Variants in TAOK3 observed in about 807,000 individuals in gnomAD.
TAOK3 encodes the protein serine/threonine-protein kinase TAO3.
A neutral mutation model predicts 120.4 loss-of-function variants in TAOK3; 40 were observed. That is an observed-to-expected ratio of 0.33 (90% CI 0.26 to 0.43). The LOEUF is 0.43. Among genes scored for constraint, TAOK3 ranks in the 20% least tolerant of loss-of-function variants. The pLI, the probability that TAOK3 is intolerant of heterozygous loss-of-function variation, is 1.00. For synonymous variants in TAOK3, 355 were observed against 387.5 expected (o/e 0.92, Z 0.99); for missense variants, 821 against 1,112.1 (o/e 0.74, Z 3.72).
At chr12:118,214,310 G>C (rs2038774892) in intron 9 of TAOK3, 200 bp from the exon 10 acceptor site, 2 of 508,952 alleles carry the variant, frequency 3.9e-6, no homozygotes, top group East Asian at 7.3e-5. Context: ...AATGTACATT[G>C]GCAAAGCTCC....
chr12:118,245,350 T>C (rs970728517), intron 3 of TAOK3, among the ~76,000 whole-genome samples: 1 of 151,404 alleles, frequency 6.6e-6, no homozygotes, highest in Non-Finnish European at 1.5e-5. Flanking sequence ...AATCGAGCTG[T>C]GTTGCTCATG....
At chr12:118,254,730 G>A (rs2040906020) in intron 3 of TAOK3, among the ~76,000 whole-genome samples, 1 of 152,022 alleles carries the variant, frequency 6.6e-6, no homozygotes, top group South Asian at 2.1e-4. Context: ...CAGTGGAAAT[G>A]CACAAAGCTC....
chr12:118,317,319 T>TG (rs1491564654), intron 1 of TAOK3, among the ~76,000 whole-genome samples: 1 of 149,142 alleles, frequency 6.7e-6, no homozygotes, highest in Non-Finnish European at 1.5e-5. Context: ...TTTTTTTTTT[T>TG]AGACAGTCTT....
chr12:118,302,533 T>C (rs2042917198), intron 1 of TAOK3, among the ~76,000 whole-genome samples: 1 of 152,184 alleles, frequency 6.6e-6, no homozygotes, highest in Non-Finnish European at 1.5e-5. Context: ...TACAAGTTTT[T>C]GTAAAGAAGA....
chr12:118,160,110 G>T lies in TAOK3; in HGVS notation c.2352+36C>A. On this transcript the variant is annotated intron_variant, in intron 19 of 20. Transcript: ENST00000392533. The surrounding 1 kb of genome is among the most constrained non-coding windows in gnomAD (Gnocchi z 4.2). The stretch of plus-strand genomic sequence containing the variant: ...ATCTTGGATTTTCTTGATTCCCAAA[G>T]CTCTCGAAGCCGTGGCACCAAACCT... 1.3e-6 allele frequency: 2 copies of T among 1,506,798 alleles called. No individual in the cohort carries two copies. The highest frequency in any genetic ancestry group is 1.1e-5 in the South Asian group (1 of 88,590). The allele number at this position is 1,506,798 out of a possible 1,614,324, so 93.3% of individuals were successfully genotyped here. A position where few individuals can be genotyped will look rare whatever the true frequency, so the allele number is the denominator to read the frequency against.
intron 1 of TAOK3, among the ~76,000 whole-genome samples, chr12:118,280,069 T>C (rs2140407801): frequency 6.6e-6 from 1 of 150,862 alleles, no homozygotes; most frequent in South Asian, 2.1e-4. Context: ...CCCACCTTTT[T>C]TTTTTTTTTT....
intron 1 of TAOK3, among the ~76,000 whole-genome samples, chr12:118,337,645 G>GA (rs1280933286): frequency 3.3e-5 from 5 of 152,016 alleles, no homozygotes; most frequent in Non-Finnish European, 5.9e-5. Flanking sequence ...CACTGGGTGG[G>GA]AAAAAAATCC....
chr12:118,309,506 T>C (rs2043184949), intron 1 of TAOK3, among the ~76,000 whole-genome samples: 1 of 151,716 alleles, frequency 6.6e-6, no homozygotes, highest in Non-Finnish European at 1.5e-5. Flanking sequence ...TTGGCTCAAA[T>C]GGTGGTTTTC....
chr12:118,151,285 GCGCGCACACACACACACACACA>G, intron 20 of TAOK3, 127 bp from the exon 21 acceptor site: 5 of 612,474 alleles, frequency 8.2e-6, no homozygotes, highest in Non-Finnish European at 1.3e-5. Flanking sequence ...AAGTGCGCGC[GCGCGCACACACACACACACACA>G]CACACACACA....
chr12:118,177,700 G>A (rs2036434775), intron 15 of TAOK3, among the ~76,000 whole-genome samples: 1 of 152,052 alleles, frequency 6.6e-6, no homozygotes, highest in South Asian at 2.1e-4. Context: ...GTGCATGCCT[G>A]TAATCCCAGC....
intron 1 of TAOK3, among the ~76,000 whole-genome samples, chr12:118,318,244 G>A (rs920910518): frequency 6.1e-5 from 9 of 148,266 alleles, no homozygotes; most frequent in Admixed American, 3.4e-4. Context: ...TGCAACCTCC[G>A]CCTCCTGGGT....
At chr12:118,332,639 C>T (rs892170320) in intron 1 of TAOK3, among the ~76,000 whole-genome samples, 2 of 152,160 alleles carry the variant, frequency 1.3e-5, no homozygotes, top group African/African-American at 4.8e-5. Context: ...TGTTACTGTC[C>T]TGCTGTTCAT....
At chr12:118,280,226 A>G (rs2042052455) in intron 1 of TAOK3, among the ~76,000 whole-genome samples, 1 of 151,862 alleles carries the variant, frequency 6.6e-6, no homozygotes, top group Non-Finnish European at 1.5e-5. Flanking sequence ...ACGCCCAGCT[A>G]ATTTTTGTAT....
chr12:118,199,760 G>A (rs2139253267), intron 12 of TAOK3: 1 of 165,040 alleles, frequency 6.1e-6, no homozygotes, highest in African/African-American at 2.4e-5. Context: ...TCATATCTAA[G>A]CAGAAATATT....
At chr12:118,177,064 G>A in intron 16 of TAOK3, 137 bp downstream of exon 16, 1 of 934,370 alleles carries the variant, frequency 1.1e-6, no homozygotes, top group Non-Finnish European at 1.6e-6. Context: ...ACTGTGCCCG[G>A]AAAGCATTTT....
At position 118,199,063 on chromosome 12, in the gene TAOK3, G is replaced by A. The variant is rs143269480; in HGVS notation, c.1182C>T (p.Val394=). The change falls in exon 13 of 21, where the codon GTC becomes GTT. Residue 394 remains valine (V), a synonymous_variant. Transcript: ENST00000392533. ...DESTINSSSS[V]VHKKDHVFIR... Reference sequence around the variant, plus strand: ...CCAAGAAACCTACTTTCTTATGCACGACGGAGGAGCTGGAATTGATTGTGC... The same window carrying A: ...CCAAGAAACCTACTTTCTTATGCACAACGGAGGAGCTGGAATTGATTGTGC... The A allele has an allele frequency of 2.5e-6, 4 of 1,614,118 alleles. No homozygotes were observed. Among genetic ancestry groups the A allele is most frequent in the East Asian group, 2.2e-5 (1 of 44,872 alleles).
intron 1 of TAOK3, among the ~76,000 whole-genome samples, chr12:118,308,174 G>A (rs190645365): frequency 3.9e-5 from 6 of 152,110 alleles, no homozygotes; most frequent in Admixed American, 2.0e-4. Flanking sequence ...ACCTCTGGTC[G>A]TCCTCACTGC....
intron 2 of TAOK3, among the ~76,000 whole-genome samples, chr12:118,257,411 A>G (rs2041034281): frequency 6.6e-6 from 1 of 152,196 alleles, no homozygotes; most frequent in Admixed American, 6.6e-5. Context: ...CATTAGTTAC[A>G]TAAATTTATT....
In TAOK3 at chr12:118,351,960, G is replaced by A. The variant is rs1020219609; in HGVS notation, c.-194+20688C>T. ...GCTATCTTGGCTCACTCCAAGCTCC[G>A]CCTCCCGGGTTCATGCCATTCTCCT... On this transcript the variant is annotated intron_variant, in intron 1 of 20. Coordinates refer to ENST00000392533, the MANE Select transcript of TAOK3 (RefSeq NM_016281.4). Among the ~76,000 whole-genome samples, 17 of 131,166 alleles carry A rather than the reference G, an allele frequency of 1.3e-4. 1 individual carries two copies. Among genetic ancestry groups the A allele is most frequent in the Non-Finnish European group, 2.5e-4 (16 of 64,488 alleles). 86.0% of individuals were successfully genotyped at this position (131,166 alleles called of 152,430 possible).
Sources: gnomAD v4.1 joint callset for allele counts (sites outside exome capture counted in the v4.1 genomes callset) on GRCh38, gnomAD v4.1.1 for gene constraint, Gnocchi (gnomAD v3.1) non-coding constraint, MANE v1.5 for transcripts, NCBI Gene and HGNC (gene_info 2026-07-23, HGNC 2026-07-21) for gene names.